Variants in MEIS2 observed in about 807,000 individuals in gnomAD.
MEIS2 encodes Meis homeobox 2.
A neutral mutation model predicts 58.6 loss-of-function variants in MEIS2; 9 were observed. That is an observed-to-expected ratio of 0.15 (90% CI 0.09 to 0.27). MEIS2 has a LOEUF of 0.27. Ranked by LOEUF, MEIS2 falls within the 10% of genes least tolerant of loss-of-function variation. The pLI is 1.00. For missense variants in MEIS2, 427 were observed against 635.0 expected, an observed-to-expected ratio of 0.67 and a Z score of 3.52; for synonymous variants, 221 against 228.4, an observed-to-expected ratio of 0.97 and a Z score of 0.29.
intron 8 of MEIS2, among the ~76,000 whole-genome samples, chr15:36,977,327 A>C (rs1451201205): frequency 1.3e-5 from 2 of 152,256 alleles, no homozygotes; most frequent in African/African-American, 2.4e-5. Context: ...AAATCCATGA[A>C]ATACATAGCA....
intron 7 of MEIS2, among the ~76,000 whole-genome samples, chr15:37,049,786 CTTTT>C (rs1038583509): frequency 7.0e-6 from 1 of 141,948 alleles, no homozygotes; most frequent in African/African-American, 2.6e-5. Flanking sequence ...CGCAGCTGGC[CTTTT>C]TTTTTTTTTT....
At chr15:37,046,678 G>T (rs1363143317) in intron 7 of MEIS2, among the ~76,000 whole-genome samples, 2 of 152,046 alleles carry the variant, frequency 1.3e-5, no homozygotes, top group Non-Finnish European at 1.5e-5. Context: ...CCTCATACTG[G>T]TCCTTGACCA....
chr15:37,097,990 C>T lies in MEIS2; in HGVS notation c.222G>A (p.Lys74=), dbSNP rs1376179003. 1.9e-6 allele frequency: 3 copies of T among 1,607,072 alleles called. No homozygotes were observed. The highest frequency in any genetic ancestry group is 2.6e-6 in the Non-Finnish European group (3 of 1,175,520). ...SMGSAVNDAL[K]RDKDAIYGHP... ...ACCCATAGATCGCGTCCTTGTCCCG[C>T]TTCAAGGCGTCGTTGACAGCGGATC... Residue 74 remains lysine (K), a synonymous_variant, in exon 2 of 12, where the codon AAG becomes AAA. Coordinates refer to ENST00000561208, the MANE Select transcript of MEIS2 (RefSeq NM_170675.5).
At chr15:37,071,034 T>G (rs568173403) in intron 7 of MEIS2, among the ~76,000 whole-genome samples, 40 of 152,194 alleles carry the variant, frequency 2.6e-4, no homozygotes, top group Non-Finnish European at 4.7e-4. Context: ...ATTATGTCAC[T>G]ACCCCCATTC....
intron 9 of MEIS2, among the ~76,000 whole-genome samples, chr15:36,921,613 C>T (rs1020882581): frequency 3.9e-5 from 6 of 152,100 alleles, no homozygotes; most frequent in Non-Finnish European, 8.8e-5. Flanking sequence ...CAAAGTGTGC[C>T]CCCACCTTTT....
intron 9 of MEIS2, among the ~76,000 whole-genome samples, chr15:36,925,717 G>A (rs932159766): frequency 6.6e-6 from 1 of 152,148 alleles, no homozygotes; most frequent in African/African-American, 2.4e-5. Flanking sequence ...CACAAGCTCT[G>A]CTGTATAGAC....
chr15:37,091,704 TTTATC>T (rs1893544093), intron 6 of MEIS2, among the ~76,000 whole-genome samples: 1 of 152,198 alleles, frequency 6.6e-6, no homozygotes, highest in African/African-American at 2.4e-5. Context: ...AACAGCCTAT[TTTATC>T]TTATCTTTTC....
intron 7 of MEIS2, among the ~76,000 whole-genome samples, chr15:37,057,414 T>C (rs1888583257): frequency 6.6e-6 from 1 of 152,212 alleles, no homozygotes; most frequent in Non-Finnish European, 1.5e-5. Context: ...TTTGTCTCTC[T>C]ACTTGCTGAC....
At chr15:37,006,973 G>T (rs547606032) in intron 8 of MEIS2, among the ~76,000 whole-genome samples, 1 of 152,162 alleles carries the variant, frequency 6.6e-6, no homozygotes, top group Non-Finnish European at 1.5e-5. Context: ...TTGTAGGATC[G>T]TCTGCCACCT....
At chr15:36,929,926 G>A (rs920642276) in intron 9 of MEIS2, among the ~76,000 whole-genome samples, 10 of 151,982 alleles carry the variant, frequency 6.6e-5, no homozygotes, top group African/African-American at 2.4e-4. Context: ...ACAGAGGCCC[G>A]GTGTGGTGGC....
At chr15:37,069,119 A>C (rs1379536214) in intron 7 of MEIS2, among the ~76,000 whole-genome samples, 2 of 152,194 alleles carry the variant, frequency 1.3e-5, no homozygotes, top group African/African-American at 4.8e-5. Context: ...GCAGAAAATG[A>C]GCATCTAGAA....
intron 9 of MEIS2, among the ~76,000 whole-genome samples, chr15:36,902,709 G>A (rs760315992): frequency 1.9e-4 from 27 of 144,856 alleles, no homozygotes; most frequent in Non-Finnish European, 2.8e-4. Context: ...AGTTTTAATT[G>A]TGAATCTCAG....
At chr15:37,083,192 T>C (rs890298995) in intron 7 of MEIS2, among the ~76,000 whole-genome samples, 1 of 152,140 alleles carries the variant, frequency 6.6e-6, no homozygotes, top group Admixed American at 6.5e-5. Context: ...TGCCCTCTGA[T>C]TATTCTAATT....
At chr15:36,965,516 T>C (rs1447782572) in intron 8 of MEIS2, among the ~76,000 whole-genome samples, 1 of 152,232 alleles carries the variant, frequency 6.6e-6, no homozygotes. Flanking sequence ...ACAAGTGGCC[T>C]ATAACATTTA....
intron 9 of MEIS2, among the ~76,000 whole-genome samples, chr15:36,909,325 A>G (rs1043665872): frequency 3.9e-5 from 6 of 152,152 alleles, no homozygotes; most frequent in African/African-American, 1.4e-4. Context: ...AGCAGGGGCC[A>G]CATCTTAAGT....
intron 8 of MEIS2, among the ~76,000 whole-genome samples, chr15:36,980,567 A>G (rs1014989062): frequency 1.3e-5 from 2 of 152,108 alleles, no homozygotes; most frequent in Non-Finnish European, 2.9e-5. Flanking sequence ...CCATGATTCA[A>G]TTACTTCCCA....
At chr15:37,003,438 T>G (rs1269415325) in intron 8 of MEIS2, among the ~76,000 whole-genome samples, 1 of 152,058 alleles carries the variant, frequency 6.6e-6, no homozygotes, top group Non-Finnish European at 1.5e-5. Context: ...TTTTTTTAAA[T>G]TTAGAAGAGA....
chr15:36,955,512 C>T (rs897995568), intron 8 of MEIS2, among the ~76,000 whole-genome samples: 2 of 152,122 alleles, frequency 1.3e-5, no homozygotes, highest in Admixed American at 6.5e-5. Context: ...CAAGACTGTG[C>T]TTGGGACGCA....
rs139853295 is a variant in MEIS2 at position 36,918,843 on chromosome 15, G to A, written c.978-22157C>T. On this transcript the variant is annotated intron_variant, in intron 9 of 11. Coordinates refer to ENST00000561208, the MANE Select transcript of MEIS2 (RefSeq NM_170675.5). ...TCATAAGCTTAGTAGAAAAGGTACC[G>A]GACTGAAGTTAGGTGGTAAGTTTGA... is the stretch of plus-strand genomic sequence containing the variant. Among the ~76,000 whole-genome samples, 45 of 152,228 alleles carry A rather than the reference G, an allele frequency of 3.0e-4. No homozygotes were observed. The East Asian group carries it at 6.6e-3, about 22-fold the overall frequency.
Sources: gnomAD v4.1 joint callset for allele counts (sites outside exome capture counted in the v4.1 genomes callset) on GRCh38, gnomAD v4.1.1 for gene constraint, MANE v1.5 for transcripts, NCBI Gene and HGNC (gene_info 2026-07-23, HGNC 2026-07-21) for gene names.